The following RAB20 variants were observed in gnomAD, a reference collection of about 807,000 sequenced individuals.
RAB20 encodes ras-related protein Rab-20.
A neutral mutation model predicts 3.7 loss-of-function variants in RAB20; 2 were observed. The ratio of observed to expected loss-of-function variants is 0.54; its 90% CI spans 0.22 to 1.69. The LOEUF (loss-of-function observed/expected upper bound fraction) is 1.69. Among genes scored for constraint, RAB20 ranks in the 40% most tolerant of loss-of-function variants. The pLI is 0.19. For synonymous variants in RAB20, 126 were observed against 130.8 expected (o/e 0.96, Z 0.25); for missense variants, 276 against 311.9 (o/e 0.88, Z 0.87).
chr13:110,553,121 C>T (rs899827759), intron 1 of RAB20, among the ~76,000 whole-genome samples: 6 of 152,244 alleles, frequency 3.9e-5, no homozygotes, highest in Admixed American at 2.6e-4. Context: ...ACAAATGAGG[C>T]CTTGCACCCA....
intron 1 of RAB20, among the ~76,000 whole-genome samples, chr13:110,548,201 C>A (rs1002855906): frequency 6.8e-6 from 1 of 148,016 alleles, no homozygotes; most frequent in African/African-American, 2.5e-5. Flanking sequence ...CACCATAATT[C>A]GGCCGGGCAC....
At chr13:110,556,742 G>T (rs113516941) in intron 1 of RAB20, among the ~76,000 whole-genome samples, 2 of 152,256 alleles carry the variant, frequency 1.3e-5, no homozygotes, top group African/African-American at 4.8e-5. Flanking sequence ...GTGTTGCCCA[G>T]GCTGGTCTTG....
At chr13:110,557,091 C>T (rs976745564) in intron 1 of RAB20, among the ~76,000 whole-genome samples, 12 of 152,166 alleles carry the variant, frequency 7.9e-5, no homozygotes, top group African/African-American at 2.7e-4. Flanking sequence ...AGAAAACCTG[C>T]ATCCTCGTAG....
At chr13:110,545,671 C>T (rs1315253247) in intron 1 of RAB20, among the ~76,000 whole-genome samples, 1 of 152,132 alleles carries the variant, frequency 6.6e-6, no homozygotes, top group Non-Finnish European at 1.5e-5. Context: ...ACATGGGCCC[C>T]CAGAGCTTGG....
intron 1 of RAB20, among the ~76,000 whole-genome samples, chr13:110,550,314 CCTGT>C (rs1335849430): frequency 6.6e-5 from 10 of 152,180 alleles, no homozygotes; most frequent in Non-Finnish European, 1.2e-4. Context: ...TTTGCAATAT[CCTGT>C]CTAATAACTA....
chr13:110,546,889 C>T (rs1884861217), intron 1 of RAB20, among the ~76,000 whole-genome samples: 1 of 152,056 alleles, frequency 6.6e-6, no homozygotes, highest in Admixed American at 6.6e-5. Flanking sequence ...AGGTGTGCAC[C>T]ACCATGCCTG....
intron 1 of RAB20, among the ~76,000 whole-genome samples, chr13:110,560,324 G>C (rs1455943234): frequency 6.6e-6 from 1 of 152,206 alleles, no homozygotes; most frequent in Admixed American, 6.5e-5. Flanking sequence ...AAGGCAAAAG[G>C]GAGGGGGAGA....
In RAB20 at chr13:110,550,026, T is replaced by C. The variant is rs898353416; in HGVS notation, c.172+11322A>G. 3.3e-5 allele frequency among the ~76,000 whole-genome samples: 5 copies of C among 152,076 alleles called. No individual in the cohort carries two copies. The South Asian group carries it at 1.0e-3, about 31-fold the overall frequency. On this transcript the variant is annotated intron_variant, in intron 1 of 1. Coordinates refer to ENST00000267328, the MANE Select transcript of RAB20 (RefSeq NM_017817.3). ...GGCCTGAGCCACCACACCCGGCCTT[T>C]CCAATCACATTTTGACATGATGCCC... is the stretch of plus-strand genomic sequence containing the variant.
intron 1 of RAB20, among the ~76,000 whole-genome samples, chr13:110,559,784 A>C (rs900395089): frequency 2.6e-5 from 4 of 152,204 alleles, no homozygotes; most frequent in Non-Finnish European, 5.9e-5. Context: ...GGTGCTGAAG[A>C]AGCAAGAGGC....
intron 1 of RAB20, among the ~76,000 whole-genome samples, chr13:110,536,604 T>A (rs1483397632): frequency 1.3e-5 from 2 of 150,916 alleles, no homozygotes; most frequent in African/African-American, 4.9e-5. Flanking sequence ...ACAACCAGAG[T>A]TCAGAGAGGA....
intron 1 of RAB20, among the ~76,000 whole-genome samples, chr13:110,534,326 C>G (rs1411364851): frequency 6.6e-6 from 1 of 152,228 alleles, no homozygotes; most frequent in Non-Finnish European, 1.5e-5. Context: ...ACGTGGACTG[C>G]TCACTTGCTT....
intron 1 of RAB20, among the ~76,000 whole-genome samples, chr13:110,531,743 A>C (rs1203999343): frequency 2.0e-5 from 3 of 151,944 alleles, no homozygotes; most frequent in African/African-American, 7.3e-5. Context: ...CCATTTACAC[A>C]CCACCTCCTG....
chr13:110,549,442 G>A lies in RAB20; in HGVS notation c.172+11906C>T, dbSNP rs529064214. Among the ~76,000 whole-genome samples the A allele has an allele frequency of 2.6e-5, 4 of 152,032 alleles. No homozygotes were observed. The South Asian group carries it at 8.3e-4, about 31-fold the overall frequency. ...TGTGTCTTTTCATCCACGGTTCCTA[G>A]CTCATGATTCTTACAGCCATTGTTA... On this transcript the variant is annotated intron_variant, in intron 1 of 1. Coordinates refer to ENST00000267328, the MANE Select transcript of RAB20 (RefSeq NM_017817.3).
intron 1 of RAB20, among the ~76,000 whole-genome samples, chr13:110,535,574 C>T (rs926264431): frequency 3.3e-5 from 5 of 152,270 alleles, no homozygotes; most frequent in African/African-American, 9.6e-5. Context: ...AACCCATTCC[C>T]TAGATTCCAC....
At chr13:110,538,728 C>T in intron 1 of RAB20, among the ~76,000 whole-genome samples, 1 of 152,136 alleles carries the variant, frequency 6.6e-6, no homozygotes, top group African/African-American at 2.4e-5. Context: ...AAAACCAGCT[C>T]CCTGGGGACG....
chr13:110,558,476 A>G (rs1426995906), intron 1 of RAB20, among the ~76,000 whole-genome samples: 19 of 138,880 alleles, frequency 1.4e-4, no homozygotes, highest in Admixed American at 2.4e-4. Flanking sequence ...CTCCGCCTCC[A>G]GGGTTCAAGC....
In RAB20 at chr13:110,531,180, C is replaced by T. The variant is rs79841985; in HGVS notation, c.173-6983G>A. Reference sequence around the variant, plus strand: ...AGGAGGTGGGCAACAGACACAGGAGCGGTGGAGCCCTGAGAAGCACGCTGG... The same window carrying T: ...AGGAGGTGGGCAACAGACACAGGAGTGGTGGAGCCCTGAGAAGCACGCTGG... On this transcript the variant is annotated intron_variant, in intron 1 of 1. Transcript: ENST00000267328. Among the ~76,000 whole-genome samples, 1,517 of 152,246 alleles carry T rather than the reference C, an allele frequency of 1.0e-2. 36 individuals are homozygous for T. Among genetic ancestry groups the T allele is most frequent in the African/African-American group, 0.035 (1,464 of 41,518 alleles).
chr13:110,552,272 G>A (rs868393147), intron 1 of RAB20, among the ~76,000 whole-genome samples: 1 of 151,614 alleles, frequency 6.6e-6, no homozygotes, highest in Non-Finnish European at 1.5e-5. Context: ...CCAGCTACTC[G>A]GGAAGCTGAG....
chr13:110,531,267 C>T (rs1884536036), intron 1 of RAB20, among the ~76,000 whole-genome samples: 1 of 152,198 alleles, frequency 6.6e-6, no homozygotes, highest in African/African-American at 2.4e-5. Context: ...GGGCCTAGGG[C>T]CCCTTTGAGG....
Sources: allele counts gnomAD v4.1 joint callset (sites outside exome capture counted in the v4.1 genomes callset), GRCh38; gene constraint gnomAD v4.1.1; transcripts MANE v1.5; gene names NCBI Gene and HGNC (gene_info 2026-07-23, HGNC 2026-07-21).